The following ANO3 variants were observed in gnomAD, a reference collection of about 807,000 sequenced individuals.
ANO3 encodes the protein anoctamin-3.
ANO3 carries 99 observed loss-of-function variants against 144.8 expected under a neutral mutation model. The ratio of observed to expected loss-of-function variants is 0.68; its 90% CI spans 0.58 to 0.81. The LOEUF (loss-of-function observed/expected upper bound fraction) is 0.81. ANO3 is among the 30% of genes least tolerant of loss of function. The pLI, the probability that ANO3 is intolerant of heterozygous loss-of-function variation, is 0.00. For missense variants in ANO3, 905 were observed against 1,202.2 expected (o/e 0.75, Z 3.66); for synonymous variants, 414 against 392.6 (o/e 1.05, Z -0.64).
chr11:26,299,541 C>CTT (rs369790440), intron 1 of ANO3, among the ~76,000 whole-genome samples: 3 of 148,736 alleles, frequency 2.0e-5, no homozygotes, highest in Non-Finnish European at 4.5e-5. Context: ...GAGAGATTGC[C>CTT]TTTTTTTTTT....
chr11:26,235,014 G>A (rs563024004), intron 1 of ANO3, among the ~76,000 whole-genome samples: 2 of 151,976 alleles, frequency 1.3e-5, no homozygotes, highest in East Asian at 3.9e-4. Context: ...GAGAGAGAGA[G>A]AGAGAGAGAG....
At chr11:26,345,865 T>G (rs557615809) in intron 1 of ANO3, among the ~76,000 whole-genome samples, 1 of 152,324 alleles carries the variant, frequency 6.6e-6, no homozygotes, top group East Asian at 1.9e-4. Flanking sequence ...AGCTCTGTTT[T>G]GCCGAAGGAA....
rs550387967 is a variant in ANO3, at chr11:26,659,319, T to C, written c.2764-943T>C. On this transcript the variant is annotated intron_variant, in intron 26 of 26. Transcript: ENST00000256737. ...GATTCAAGCAGCCTCATTCAACATGTATACTTCCTACCACAGACATACTAC... is the reference window on the plus strand; with the variant it reads ...GATTCAAGCAGCCTCATTCAACATGCATACTTCCTACCACAGACATACTAC... 4.6e-5 allele frequency among the ~76,000 whole-genome samples: 7 copies of C among 152,144 alleles called. 1 individual carries two copies. Among genetic ancestry groups the C allele is most frequent in the African/African-American group, 1.4e-4 (6 of 41,538 alleles).
chr11:26,374,276 A>G (rs1856342542), intron 1 of ANO3, among the ~76,000 whole-genome samples: 1 of 152,218 alleles, frequency 6.6e-6, no homozygotes, highest in Non-Finnish European at 1.5e-5. Flanking sequence ...TGAGGTAATA[A>G]ACATCATGTT....
upstream of ANO3, among the ~76,000 whole-genome samples, chr11:26,331,237 C>T (rs942601496): frequency 5.3e-5 from 8 of 152,084 alleles, no homozygotes; most frequent in Non-Finnish European, 8.8e-5. Context: ...GCTCAATACC[C>T]GGGTGATGGG....
chr11:26,630,024 G>A (rs921115880), intron 18 of ANO3, among the ~76,000 whole-genome samples: 12 of 152,288 alleles, frequency 7.9e-5, no homozygotes, highest in African/African-American at 2.9e-4. Context: ...AAGGGTTTTA[G>A]TGTCAGAAAT....
chr11:26,335,627 T>C (rs1306522196), intron 1 of ANO3, among the ~76,000 whole-genome samples: 1 of 152,214 alleles, frequency 6.6e-6, no homozygotes, highest in East Asian at 1.9e-4. Context: ...CAAGAAATGG[T>C]ATTTATTTAC....
chr11:26,408,114 A>G (rs911245065), intron 1 of ANO3, among the ~76,000 whole-genome samples: 2 of 152,050 alleles, frequency 1.3e-5, no homozygotes, highest in Non-Finnish European at 2.9e-5. Context: ...AAAAGCCAAA[A>G]TTGACAAATG....
At chr11:26,594,041 G>T (rs942996991) in intron 14 of ANO3, among the ~76,000 whole-genome samples, 1 of 152,150 alleles carries the variant, frequency 6.6e-6, no homozygotes, top group Admixed American at 6.5e-5. Context: ...GCCGTCAATA[G>T]AGTCAGGTGA....
intron 17 of ANO3, among the ~76,000 whole-genome samples, chr11:26,606,444 T>C (rs1851938542): frequency 6.6e-6 from 1 of 152,172 alleles, no homozygotes; most frequent in Non-Finnish European, 1.5e-5. Context: ...CTATTAGATC[T>C]GCATGGTCCA....
chr11:26,331,873 A>G (rs1855051582), upstream of ANO3: 1 of 194,924 alleles, frequency 5.1e-6, no homozygotes. Context: ...AACTTTTAGG[A>G]AATAAATAAC....
chr11:26,316,185 C>T (rs993129020), intron 1 of ANO3, among the ~76,000 whole-genome samples: 3 of 152,124 alleles, frequency 2.0e-5, no homozygotes, highest in Admixed American at 6.6e-5. Context: ...GGCAGATCTG[C>T]AGGTCGAGAA....
chr11:26,583,703 G>T (rs61878562), intron 14 of ANO3, among the ~76,000 whole-genome samples: 6 of 152,142 alleles, frequency 3.9e-5, no homozygotes, highest in Admixed American at 6.5e-5. Context: ...CAAGGTTTCT[G>T]TTTCTACCTC....
At chr11:26,576,123 C>G (rs1474024234) in intron 14 of ANO3, among the ~76,000 whole-genome samples, 1 of 152,144 alleles carries the variant, frequency 6.6e-6, no homozygotes, top group Non-Finnish European at 1.5e-5. Flanking sequence ...ACCAAGGAAG[C>G]AGTGTGCTGA....
Position 26,463,094 on chromosome 11 carries a change from C to G in ANO3, c.378C>G (p.Leu126=). ...SEHATYDRSR[L]INDFVIKDKS... is the part of the protein sequence containing the mutation. ...ACGCTACTTATGACCGATCTCGTCT[C>G]ATTAATGACTTTGTTATCAAAGATA... Residue 126 remains leucine, a synonymous_variant, in exon 4 of 27, where the codon CTC becomes CTG. Transcript: ENST00000256737. The G allele has an allele frequency of 6.3e-7, 1 of 1,596,858 alleles. No homozygotes were observed. The highest frequency in any genetic ancestry group is 8.5e-7 in the Non-Finnish European group (1 of 1,171,526).
At chr11:26,592,468 C>G (rs573409793) in intron 14 of ANO3, among the ~76,000 whole-genome samples, 1 of 151,708 alleles carries the variant, frequency 6.6e-6, no homozygotes, top group South Asian at 2.1e-4. Flanking sequence ...GAATTAGTGC[C>G]TTTATTACCT....
At chr11:26,534,421 C>A in intron 8 of ANO3, 35 bp from the exon 9 acceptor site, 1 of 1,400,978 alleles carries the variant, frequency 7.1e-7, no homozygotes, top group Non-Finnish European at 1.0e-6. Flanking sequence ...CTGTGTTCTG[C>A]TTTGAATATT....
chr11:26,623,891 A>C (rs1434066261), intron 17 of ANO3, among the ~76,000 whole-genome samples: 1 of 151,940 alleles, frequency 6.6e-6, no homozygotes, highest in Non-Finnish European at 1.5e-5. Context: ...GTTTCACGTC[A>C]TTCTCCTGCC....
intron 1 of ANO3, among the ~76,000 whole-genome samples, chr11:26,350,402 A>G (rs964855406): frequency 3.9e-5 from 6 of 152,126 alleles, no homozygotes; most frequent in Non-Finnish European, 8.8e-5. Context: ...CACATGATCT[A>G]TATTTTTGTT....
Sources: gnomAD v4.1 joint callset for allele counts (sites outside exome capture counted in the v4.1 genomes callset) on GRCh38, gnomAD v4.1.1 for gene constraint, MANE v1.5 for transcripts, NCBI Gene and HGNC (gene_info 2026-07-23, HGNC 2026-07-21) for gene names.